The following MAP4 variants were observed in gnomAD, a reference collection of about 807,000 sequenced individuals.
MAP4 encodes the protein microtubule associated protein 4.
Under a neutral mutation model 170.2 loss-of-function variants are expected in MAP4, and 76 were observed. The observed-to-expected ratio is 0.45, with a 90% CI of 0.37 to 0.54. The LOEUF is 0.54. Ranked by LOEUF, MAP4 falls within the 20% of genes least tolerant of loss-of-function variation. MAP4 has a pLI of 0.00. For missense variants in MAP4, 2,506 were observed against 2,748.0 expected (o/e 0.91, Z 1.97); for synonymous variants, 909 against 994.5 (o/e 0.91, Z 1.62).
At chr3:48,006,521 T>C (rs886843584) in intron 1 of MAP4, among the ~76,000 whole-genome samples, 1 of 152,156 alleles carries the variant, frequency 6.6e-6, no homozygotes, top group Non-Finnish European at 1.5e-5. Context: ...GAATGCATAA[T>C]TGGCATAGAC....
chr3:48,019,001 C>A (rs184739899), upstream of MAP4, among the ~76,000 whole-genome samples: 23 of 152,202 alleles, frequency 1.5e-4, no homozygotes, highest in South Asian at 4.4e-3. Flanking sequence ...TTTAGAAAAG[C>A]ATGACATGAT....
chr3:47,950,442 C>T (rs910589988), intron 3 of MAP4, among the ~76,000 whole-genome samples: 12 of 152,204 alleles, frequency 7.9e-5, no homozygotes, highest in African/African-American at 2.9e-4. Flanking sequence ...GCTAGTAATC[C>T]AGGACATGCA....
Position 47,910,014 on chromosome 3 carries a change from G to C in MAP4, c.4407C>G (p.Ala1469=), listed in dbSNP as rs752055203. 9.3e-6 allele frequency: 15 copies of C among 1,613,976 alleles called. No individual in the cohort carries two copies. Among genetic ancestry groups the C allele is most frequent in the Non-Finnish European group, 1.3e-5 (15 of 1,179,894 alleles). The change falls in exon 9 of 21, where the codon GCC becomes GCG. Residue 1469 remains alanine, a synonymous_variant. Coordinates refer to ENST00000683076, the MANE Select transcript of MAP4 (RefSeq NM_001385682.1). ...TTAATGATTTGGAAATCTGGGCTGG[G>C]GCTATCTCTTGCCCATTTTTTGCCA... ...DTLAKNGQEI[A]PAQISKSLMV...
chr3:47,860,757 C>T (rs34675858), intron 17 of MAP4, among the ~76,000 whole-genome samples: 2,944 of 152,250 alleles, frequency 0.019, 99 homozygotes, highest in African/African-American at 0.068. Context: ...GAATAAACCT[C>T]ATTACCTACT....
intron 2 of MAP4, chr3:47,987,454 A>C (rs1190679533): frequency 1.3e-6 from 2 of 1,484,426 alleles, no homozygotes; most frequent in East Asian, 2.5e-5. Flanking sequence ...AAGGGAACAG[A>C]AGTCAGGGAA....
intron 3 of MAP4, among the ~76,000 whole-genome samples, chr3:47,972,507 C>T (rs1047077874): frequency 2.0e-5 from 3 of 152,220 alleles, no homozygotes; most frequent in African/African-American, 7.2e-5. Context: ...GTGACTTTCT[C>T]ACCAAATGAC....
chr3:47,880,898 G>GT (rs1036374596), intron 10 of MAP4, among the ~76,000 whole-genome samples: 1 of 152,158 alleles, frequency 6.6e-6, no homozygotes, highest in Admixed American at 6.5e-5. Flanking sequence ...ATGAGATTTT[G>GT]TTGTTTGATG....
At chr3:48,066,533 T>G (rs2100138297) in intron 1 of MAP4, among the ~76,000 whole-genome samples, 1 of 152,088 alleles carries the variant, frequency 6.6e-6, no homozygotes, top group African/African-American at 2.4e-5. Flanking sequence ...TCACTCTGCC[T>G]CCCAGGCTGG....
At position 47,909,939 on chromosome 3, in the gene MAP4, C is replaced by T; in HGVS notation, c.4482G>A (p.Lys1494=). ...TAGAGGGCACAACAGCAGAGGGACC[C>T]TTGGGTCTTTCTTGACCTGGGACTC... ...KDGVPGQERP[K]GPSAVVPSTS... The change falls in exon 9 of 21, where the codon AAG becomes AAA. Residue 1494 remains lysine, a synonymous_variant. Transcript: ENST00000683076. 3 of 1,613,948 alleles carry T rather than the reference C, an allele frequency of 1.9e-6. No individual in the cohort carries two copies. The highest frequency in any genetic ancestry group is 8.5e-7 in the Non-Finnish European group (1 of 1,179,854).
chr3:47,956,817 A>C (rs562216701), intron 3 of MAP4, among the ~76,000 whole-genome samples: 1 of 152,350 alleles, frequency 6.6e-6, no homozygotes, highest in African/African-American at 2.4e-5. Flanking sequence ...GGAAAAAATC[A>C]TCATGAAGGC....
rs572074080 is a variant in MAP4 at position 48,041,808 on chromosome 3, A to C, written c.-19-42929T>G. On this transcript the variant is annotated intron_variant, in intron 1 of 18. Coordinates refer to the MAP4 transcript ENST00000360240. ...TCAAGGGACCCAGAATAGCTAAAAC[A>C]ACCCTGAAATAAAAACAAGGTTGAC... 3.3e-5 allele frequency among the ~76,000 whole-genome samples: 5 copies of C among 152,302 alleles called. No homozygotes were observed. In the South Asian group the frequency reaches 1.0e-3, roughly 32 times the overall value.
At chr3:48,059,107 C>A (rs2100133799) in intron 1 of MAP4, among the ~76,000 whole-genome samples, 1 of 152,010 alleles carries the variant, frequency 6.6e-6, no homozygotes, top group Admixed American at 6.5e-5. Context: ...CAGCCTTCAT[C>A]ATTAAGTAAT....
chr3:47,941,632 A>AC (rs947250675), intron 3 of MAP4, among the ~76,000 whole-genome samples: 84 of 151,302 alleles, frequency 5.6e-4, no homozygotes, highest in African/African-American at 2.0e-3. Flanking sequence ...AAAAACAAAA[A>AC]AAAAAAAAAC....
At chr3:47,969,306 G>C (rs2100077067) in intron 3 of MAP4, among the ~76,000 whole-genome samples, 1 of 152,098 alleles carries the variant, frequency 6.6e-6, no homozygotes, top group South Asian at 2.1e-4. Flanking sequence ...TACTCGGGAG[G>C]CTGAGGCAAG....
At chr3:48,011,007 G>C (rs1579220334) in intron 1 of MAP4, among the ~76,000 whole-genome samples, 1 of 152,106 alleles carries the variant, frequency 6.6e-6, no homozygotes, top group South Asian at 2.1e-4. Flanking sequence ...TATCCTATTA[G>C]TTCTGTCCCT....
Position 47,909,627 on chromosome 3 carries a change from A to G in MAP4, c.4794T>C (p.Asp1598=), listed in dbSNP as rs2100034919. ...GEARALEGYA[D]RGNFPAHPVN... Reference sequence around the variant, plus strand: ...CTGGATGTGCTGGGAAATTACCTCTATCTGCATATCCTTCTAGGGCTCTGG... The same window carrying G: ...CTGGATGTGCTGGGAAATTACCTCTGTCTGCATATCCTTCTAGGGCTCTGG... The change falls in exon 9 of 21, where the codon GAT becomes GAC. Residue 1598 remains aspartate (D), a synonymous_variant. Coordinates refer to ENST00000683076, the MANE Select transcript of MAP4 (RefSeq NM_001385682.1). The G allele has an allele frequency of 1.9e-6, 3 of 1,613,786 alleles. No individual in the cohort carries two copies. The East Asian group carries it at 6.7e-5, about 36-fold the overall frequency.
At chr3:47,944,261 G>C (rs1172286527) in intron 3 of MAP4, among the ~76,000 whole-genome samples, 1 of 152,042 alleles carries the variant, frequency 6.6e-6, no homozygotes, top group Non-Finnish European at 1.5e-5. Flanking sequence ...AGTGAGCCAA[G>C]ATCACGTCAC....
chr3:47,857,743 C>A lies in MAP4; in HGVS notation c.6502-231G>T, dbSNP rs775485400. Among the ~76,000 whole-genome samples the A allele has an allele frequency of 2.6e-4, 39 of 151,882 alleles. 1 individual carries two copies. The highest frequency in any genetic ancestry group is 4.6e-4 in the Non-Finnish European group (31 of 67,992). On this transcript the variant is annotated intron_variant, in intron 17 of 20. Transcript: ENST00000683076. The stretch of plus-strand genomic sequence containing the variant: ...TTTTTTTTAAAGATGGAGTCTCGCT[C>A]TGTTGCCCAGGCTGGAGTACAGTGG...
intron 2 of MAP4, among the ~76,000 whole-genome samples, chr3:47,993,614 G>C (rs1392920820): frequency 1.3e-5 from 2 of 152,192 alleles, no homozygotes; most frequent in Admixed American, 1.3e-4. Flanking sequence ...TTTTAAACAA[G>C]TGGGATCAAG....
Sources: gnomAD v4.1 joint callset for allele counts (sites outside exome capture counted in the v4.1 genomes callset) on GRCh38, gnomAD v4.1.1 for gene constraint, MANE v1.5 for transcripts, NCBI Gene and HGNC (gene_info 2026-07-23, HGNC 2026-07-21) for gene names.